Variants in PRKD1 observed in about 807,000 individuals in gnomAD.
PRKD1 encodes serine/threonine-protein kinase D1.
In PRKD1, 63 loss-of-function variants were observed where a neutral mutation model predicts 95.9. That is an observed-to-expected ratio of 0.66 (90% CI 0.54 to 0.81). The LOEUF is 0.81. PRKD1 is among the 30% of genes least tolerant of loss of function. The pLI, the probability that PRKD1 is intolerant of heterozygous loss-of-function variation, is 0.00. For missense variants in PRKD1, 1,048 were observed against 1,165.3 expected (o/e 0.90, Z 1.47); for synonymous variants, 425 against 423.1 (o/e 1.00, Z -0.05).
At chr14:29,638,198 CA>C in intron 6 of PRKD1, 1 of 353,258 alleles carries the variant, frequency 2.8e-6, no homozygotes, top group Non-Finnish European at 5.1e-6. Flanking sequence ...CATTTCTGGG[CA>C]AACTAGGATA....
At chr14:29,918,502 C>T (rs373110338) in intron 1 of PRKD1, among the ~76,000 whole-genome samples, 1 of 152,270 alleles carries the variant, frequency 6.6e-6, no homozygotes, top group South Asian at 2.1e-4. Context: ...TGTTCACCTG[C>T]TCACAGTAGC....
At chr14:29,703,197 T>A (rs879549898) in intron 2 of PRKD1, among the ~76,000 whole-genome samples, 1 of 152,200 alleles carries the variant, frequency 6.6e-6, no homozygotes, top group Non-Finnish European at 1.5e-5. Context: ...GCATCTCCTA[T>A]CACCTTCCAT....
rs1880562772 is a variant in PRKD1 at position 29,638,861 on chromosome 14, G to A, written c.740C>T (p.Ser247Leu). 1 of 1,535,104 alleles carries A rather than the reference G, an allele frequency of 6.5e-7. No homozygotes were observed. Among genetic ancestry groups the A allele is most frequent in the Non-Finnish European group, 8.8e-7 (1 of 1,130,862 alleles). Reference sequence around the variant, plus strand: ...TCGTCCAATGTATGATTGAGAATTTGACCTCTTCTCTCGACCAATAAACGA... The same window carrying A: ...TCGTCCAATGTATGATTGAGAATTTAACCTCTTCTCTCGACCAATAAACGA... ...SESFIGREKR[S>L]NSQSYIGRPI... The change falls in exon 5 of 18, where the codon TCA (serine) becomes TTA (leucine). Residue 247 changes from serine to leucine, a missense_variant. Ser to Leu is a moderately radical substitution (Grantham distance 145). This residue lies in a region of PRKD1 where 739 missense variants were observed against 861.9 expected (regional missense o/e 0.86). Transcript: ENST00000331968.
At chr14:29,687,727 C>A (rs1004206564) in intron 2 of PRKD1, among the ~76,000 whole-genome samples, 1 of 152,228 alleles carries the variant, frequency 6.6e-6, no homozygotes, top group African/African-American at 2.4e-5. Context: ...CCCTGTTACA[C>A]AGTAACTGCT....
At chr14:29,771,915 C>T (rs1888525582) in intron 1 of PRKD1, among the ~76,000 whole-genome samples, 1 of 152,206 alleles carries the variant, frequency 6.6e-6, no homozygotes, top group African/African-American at 2.4e-5. Context: ...TCTTCCTTCC[C>T]ATTTCTCCCT....
intron 2 of PRKD1, among the ~76,000 whole-genome samples, chr14:29,721,498 G>A (rs922544993): frequency 1.2e-4 from 19 of 152,136 alleles, no homozygotes; most frequent in African/African-American, 4.6e-4. Flanking sequence ...TAGAGATCAA[G>A]CCAAAACCAA....
At chr14:29,697,732 T>C (rs1291256386) in intron 2 of PRKD1, among the ~76,000 whole-genome samples, 1 of 152,162 alleles carries the variant, frequency 6.6e-6, no homozygotes, top group African/African-American at 2.4e-5. Flanking sequence ...TGTGCTTGAA[T>C]TTCTCCAGCA....
chr14:29,621,476 G>C (rs1260920356), intron 13 of PRKD1, among the ~76,000 whole-genome samples: 3 of 148,086 alleles, frequency 2.0e-5, no homozygotes, highest in East Asian at 3.9e-4. Flanking sequence ...ATTTTCATTT[G>C]GGGGACATGA....
At chr14:29,903,985 C>A (rs982181219) in intron 1 of PRKD1, among the ~76,000 whole-genome samples, 1 of 151,964 alleles carries the variant, frequency 6.6e-6, no homozygotes, top group Non-Finnish European at 1.5e-5. Context: ...TTTACATATA[C>A]AAACACACAC....
chr14:29,682,537 G>T (rs142713331), intron 2 of PRKD1, among the ~76,000 whole-genome samples: 1 of 151,996 alleles, frequency 6.6e-6, no homozygotes, highest in Non-Finnish European at 1.5e-5. Flanking sequence ...TCCCTTCCTT[G>T]CTTTATTAAA....
chr14:29,641,973 G>A (rs1017393008), intron 4 of PRKD1, among the ~76,000 whole-genome samples: 4 of 141,320 alleles, frequency 2.8e-5, no homozygotes, highest in African/African-American at 5.3e-5. Context: ...GGGCATTCTC[G>A]GCTCACTGCA....
intron 1 of PRKD1, among the ~76,000 whole-genome samples, chr14:29,777,582 A>G (rs1208845826): frequency 6.6e-6 from 1 of 152,216 alleles, no homozygotes; most frequent in African/African-American, 2.4e-5. Context: ...TCAATTCAAC[A>G]AGAAGAGCTA....
chr14:29,629,001 A>G (rs1309251302), intron 11 of PRKD1, 40 bp downstream of exon 11: 2 of 1,358,350 alleles, frequency 1.5e-6, no homozygotes, highest in Non-Finnish European at 9.9e-7. Context: ...TTTTCCAGTA[A>G]TCACATTAGC....
At chr14:29,826,674 T>TACAC (rs1491177873) in intron 1 of PRKD1, among the ~76,000 whole-genome samples, 9 of 74,116 alleles carry the variant, frequency 1.2e-4, no homozygotes, top group East Asian at 4.6e-4. Context: ...TATATATGTG[T>TACAC]ATATATATAT....
Position 29,616,243 on chromosome 14 carries a change from C to CAAAAAAAAAAAAAAAAAAAAAAAA in PRKD1, c.1905+7908_1905+7909insTTTTTTTTTTTTTTTTTTTTTTTT. 1.5e-4 allele frequency among the ~76,000 whole-genome samples: 5 copies of CAAAAAAAAAAAAAAAAAAAAAAAA among 33,964 alleles called. 1 individual carries two copies. The highest frequency in any genetic ancestry group is 1.9e-4 in the Non-Finnish European group (4 of 20,778). The allele number at this position is 33,964 out of a possible 152,430, so 22.3% of individuals were successfully genotyped here. A position where few individuals can be genotyped will look rare whatever the true frequency, so the allele number is the denominator to read the frequency against. On this transcript the variant is annotated intron_variant, in intron 13 of 17. Coordinates refer to ENST00000331968, the MANE Select transcript of PRKD1 (RefSeq NM_002742.3). ...GAGCCTTAGAAATCAAGAGTATGGCCAAAAAAAAAAAAAAAAAAAAAAGCC... is the reference window on the plus strand; with the variant it reads ...GAGCCTTAGAAATCAAGAGTATGGCCAAAAAAAAAAAAAAAAAAAAAAAAAAAAAAAAAAAAAAAAAAAAAAGCC...
At chr14:29,649,548 C>T (rs779377083) in intron 4 of PRKD1, among the ~76,000 whole-genome samples, 18 of 151,032 alleles carry the variant, frequency 1.2e-4, no homozygotes, top group Non-Finnish European at 1.8e-4. Context: ...AGCTGTTAAA[C>T]AGGGCTGTAT....
chr14:29,588,788 AGTTGTGTGTGTGTGT>A (rs1893020470), intron 16 of PRKD1, among the ~76,000 whole-genome samples: 1 of 121,306 alleles, frequency 8.2e-6, no homozygotes, highest in African/African-American at 3.0e-5. Context: ...TTATTCCTAA[AGTTGTGTGTGTGTGT>A]GTGTGTGTGT....
chr14:29,580,206 A>C (rs1165633168), intron 16 of PRKD1, among the ~76,000 whole-genome samples: 1 of 152,202 alleles, frequency 6.6e-6, no homozygotes, highest in Non-Finnish European at 1.5e-5. Context: ...AATGGGCCCC[A>C]ACAGTGAACC....
intron 1 of PRKD1, among the ~76,000 whole-genome samples, chr14:29,766,406 C>T (rs571325802): frequency 5.3e-5 from 8 of 152,236 alleles, no homozygotes; most frequent in African/African-American, 1.7e-4. Flanking sequence ...TATCACAGGA[C>T]GACATTTGCT....
Sources: gnomAD v4.1 joint callset for allele counts (sites outside exome capture counted in the v4.1 genomes callset) on GRCh38, gnomAD v4.1.1 for gene constraint, gnomAD v4.1.1 regional missense constraint, MANE v1.5 for transcripts, NCBI Gene and HGNC (gene_info 2026-07-23, HGNC 2026-07-21) for gene names.